TAFA2: variants seen among roughly 807,000 people sequenced by gnomAD.
TAFA2 encodes chemokine-like protein TAFA-2.
A neutral mutation model predicts 18.8 loss-of-function variants in TAFA2; 7 were observed. The ratio of observed to expected loss-of-function variants is 0.37; its 90% confidence interval spans 0.21 to 0.70. The LOEUF is 0.70. Among genes scored for constraint, TAFA2 ranks in the 30% least tolerant of loss-of-function variants. The pLI, the probability that TAFA2 is intolerant of heterozygous loss-of-function variation, is 0.53. For synonymous variants in TAFA2, 60 were observed against 54.2 expected (o/e 1.11, Z -0.47); for missense variants, 122 against 158.1 (o/e 0.77, Z 1.23).
At chr12:61,746,202 T>C (rs890743004) in intron 4 of TAFA2, among the ~76,000 whole-genome samples, 5 of 152,168 alleles carry the variant, frequency 3.3e-5, no homozygotes, top group African/African-American at 1.2e-4. Flanking sequence ...TGAGATCTGA[T>C]GGTTTTATAA....
intron 1 of TAFA2, among the ~76,000 whole-genome samples, chr12:62,001,877 T>C (rs1322504115): frequency 6.6e-6 from 1 of 152,202 alleles, no homozygotes; most frequent in Admixed American, 6.5e-5. Flanking sequence ...TGCAGCACTA[T>C]AATTAGCTGC....
At chr12:61,875,679 C>A (rs1874813006) in intron 1 of TAFA2, among the ~76,000 whole-genome samples, 1 of 152,100 alleles carries the variant, frequency 6.6e-6, no homozygotes, top group Admixed American at 6.6e-5. Context: ...TAATTGAGAT[C>A]TAGACAACAC....
rs34859628 is a variant in TAFA2, at chr12:62,035,733, C to CTTTTTT, written c.-2+155520_-2+155525dup. Among the ~76,000 whole-genome samples, 50 of 60,232 alleles carry CTTTTTT rather than the reference C, an allele frequency of 8.3e-4. 6 individuals carry two copies. Among genetic ancestry groups the CTTTTTT allele is most frequent in the African/African-American group, 9.8e-4 (13 of 13,256 alleles). The allele number at this position is 60,232 out of a possible 152,430, so 39.5% of individuals were successfully genotyped here. A position where few individuals can be genotyped will look rare whatever the true frequency, so the allele number is the denominator to read the frequency against. On this transcript the variant is annotated intron_variant, in intron 1 of 4. Transcript: ENST00000416284. Reference sequence around the variant, plus strand: ...TGACGCTAGGGGTCAATGATTCTTTCTTTTTTTTTTTTTTTTTTTTTTTTT... The same window carrying CTTTTTT: ...TGACGCTAGGGGTCAATGATTCTTTCTTTTTTTTTTTTTTTTTTTTTTTTTTTTTTT...
intron 4 of TAFA2, among the ~76,000 whole-genome samples, chr12:61,732,396 C>G (rs373637073): frequency 6.6e-6 from 1 of 152,072 alleles, no homozygotes; most frequent in African/African-American, 2.4e-5. Context: ...TGTGCTACCA[C>G]GTTATTTACT....
At chr12:61,954,693 T>A (rs1160790910) in intron 1 of TAFA2, among the ~76,000 whole-genome samples, 1 of 152,132 alleles carries the variant, frequency 6.6e-6, no homozygotes, top group Non-Finnish European at 1.5e-5. Context: ...TGATGCTTAA[T>A]TTTATTTTTG....
At chr12:62,107,649 T>C (rs192846479) in intron 1 of TAFA2, among the ~76,000 whole-genome samples, 115 of 152,324 alleles carry the variant, frequency 7.5e-4, no homozygotes, top group Non-Finnish European at 1.5e-3. Flanking sequence ...TTAATTAGGA[T>C]GCCATTGCTG....
chr12:61,897,200 T>C (rs902075981), intron 1 of TAFA2, among the ~76,000 whole-genome samples: 5 of 152,232 alleles, frequency 3.3e-5, no homozygotes, highest in African/African-American at 7.2e-5. Flanking sequence ...GTAGAGTGGA[T>C]GTGCAAATCC....
chr12:62,224,130 T>C (rs1039694087), intron 1 of TAFA2, among the ~76,000 whole-genome samples: 2 of 149,164 alleles, frequency 1.3e-5, no homozygotes, highest in African/African-American at 5.1e-5. Flanking sequence ...CAATGGAATA[T>C]TATTCAGCCT....
At chr12:62,121,607 G>A (rs1870200567) in intron 1 of TAFA2, among the ~76,000 whole-genome samples, 2 of 152,170 alleles carry the variant, frequency 1.3e-5, no homozygotes, top group Non-Finnish European at 2.9e-5. Context: ...CATCTCTCAA[G>A]ATATTCTGTA....
At chr12:62,112,124 ACCAGTCTTTCCTTT>A (rs1869761034) in intron 1 of TAFA2, among the ~76,000 whole-genome samples, 1 of 152,140 alleles carries the variant, frequency 6.6e-6, no homozygotes, top group South Asian at 2.1e-4. Flanking sequence ...AGTGGCTGGT[ACCAGTCTTTCCTTT>A]CCATATTTAG....
intron 1 of TAFA2, chr12:62,242,368 ATAGTT>A (rs1471488378): frequency 1.3e-5 from 2 of 152,226 alleles, no homozygotes; most frequent in Non-Finnish European, 2.9e-5. Flanking sequence ...AGATAAAAGT[ATAGTT>A]TAACACTTGG....
intron 1 of TAFA2, among the ~76,000 whole-genome samples, chr12:62,225,367 G>A (rs1418579606): frequency 2.0e-5 from 3 of 152,016 alleles, no homozygotes; most frequent in African/African-American, 7.2e-5. Context: ...AAAAATTCCA[G>A]ACTGATCAGA....
chr12:62,116,682 C>A (rs974480998), intron 1 of TAFA2, among the ~76,000 whole-genome samples: 2 of 151,140 alleles, frequency 1.3e-5, no homozygotes, highest in Admixed American at 1.3e-4. Flanking sequence ...ACTGTTGTGT[C>A]CCAGCAGAAC....
intron 1 of TAFA2, among the ~76,000 whole-genome samples, chr12:62,041,321 G>T (rs1358692470): frequency 6.6e-6 from 1 of 152,040 alleles, no homozygotes; most frequent in Non-Finnish European, 1.5e-5. Context: ...CACATCTATT[G>T]CCCCCAAAAC....
intron 2 of TAFA2, among the ~76,000 whole-genome samples, chr12:61,832,708 C>G (rs1872763697): frequency 6.6e-6 from 1 of 152,048 alleles, no homozygotes. Flanking sequence ...CTTGCAAGCA[C>G]TCTTTAAAAC....
At chr12:61,910,861 A>T (rs1042900082) in intron 1 of TAFA2, among the ~76,000 whole-genome samples, 1 of 152,174 alleles carries the variant, frequency 6.6e-6, no homozygotes, top group Admixed American at 6.6e-5. Flanking sequence ...ATTCCGAACC[A>T]TCTGTGTTTC....
chr12:62,212,510 C>T (rs1233178693), intron 1 of TAFA2, among the ~76,000 whole-genome samples: 2 of 152,186 alleles, frequency 1.3e-5, no homozygotes, highest in Admixed American at 6.5e-5. Flanking sequence ...TTCGAGCTTG[C>T]AAACTATTAT....
At chr12:61,739,939 T>A (rs114353462) in intron 4 of TAFA2, among the ~76,000 whole-genome samples, 2,811 of 152,188 alleles carry the variant, frequency 0.018, 84 homozygotes, top group African/African-American at 0.062. Flanking sequence ...AGTATATGAA[T>A]CTTAGAAACA....
chr12:61,725,122 A>G (rs937342290), intron 4 of TAFA2, among the ~76,000 whole-genome samples: 5 of 151,850 alleles, frequency 3.3e-5, no homozygotes, highest in African/African-American at 1.2e-4. Flanking sequence ...TCCTTAGCCC[A>G]CTTTTTGATG....
Sources: allele counts gnomAD v4.1 joint callset (sites outside exome capture counted in the v4.1 genomes callset), GRCh38; gene constraint gnomAD v4.1.1; transcripts MANE v1.5; gene names NCBI Gene and HGNC (gene_info 2026-07-23, HGNC 2026-07-21).